Variants in ABCA10 observed in about 807,000 individuals in gnomAD.
The protein encoded by ABCA10 is ATP-binding cassette sub-family A member 10.
In ABCA10, 169 loss-of-function variants were observed where a neutral mutation model predicts 187.5. The observed-to-expected ratio is 0.90, with a 90% CI of 0.80 to 1.02. The LOEUF (loss-of-function observed/expected upper bound fraction) is 1.02, where lower values mean the gene tolerates loss of function less well. Among genes scored for constraint, ABCA10 ranks in the 50% least tolerant of loss-of-function variants. The probability of loss-of-function intolerance (pLI) is 0.00; values close to 1 mark genes in which losing one functional copy is unlikely to be tolerated. For synonymous variants in ABCA10, 574 were observed against 601.8 expected, an observed-to-expected ratio of 0.95 and a Z score of 0.68; for missense variants, 1,727 against 1,812.4, an observed-to-expected ratio of 0.95 and a Z score of 0.86.
At chr17:69,210,865 T>TATATATATATATATATA (rs1555662878) in intron 9 of ABCA10, among the ~76,000 whole-genome samples, 8 of 145,558 alleles carry the variant, frequency 5.5e-5, no homozygotes, top group African/African-American at 2.2e-4. Context: ...TATATATATA[T>TATATATATATATATATA]GCCATATTTC....
In ABCA10 at chr17:69,225,649, T is replaced by C. The variant is rs1458567537; in HGVS notation, c.-171-120A>G. 4.0e-5 allele frequency: 14 copies of C among 346,830 alleles called. No individual in the cohort carries two copies. In the Admixed American group the frequency reaches 5.2e-4, roughly 13 times the overall value. 21.5% of individuals were successfully genotyped at this position (346,830 alleles called of 1,614,324 possible). ...TTGAGCATGACTTCATTTCAGTCTGTAATTTTTTTCTGCCCAAATTAATAT... is the reference window on the plus strand; with the variant it reads ...TTGAGCATGACTTCATTTCAGTCTGCAATTTTTTTCTGCCCAAATTAATAT... On this transcript the variant is annotated intron_variant, in intron 2 of 38. Coordinates refer to ENST00000690296, the MANE Select transcript of ABCA10 (RefSeq NM_001377321.1).
At chr17:69,241,540 G>A (rs2074903357) in intron 1 of ABCA10, among the ~76,000 whole-genome samples, 1 of 152,062 alleles carries the variant, frequency 6.6e-6, no homozygotes, top group African/African-American at 2.4e-5. Flanking sequence ...TCTTCCACTA[G>A]TGTCCCCCTT....
chr17:69,156,831 C>T lies in ABCA10; in HGVS notation c.3455+1G>A, dbSNP rs751950903. On this transcript the variant is annotated splice_donor_variant, in intron 28 of 38. Coordinates refer to ENST00000690296, the MANE Select transcript of ABCA10 (RefSeq NM_001377321.1). LOFTEE classifies it high-confidence loss of function. ...CAGATCTCAATTAATATTTTCCCAA[C>T]CTGAAAACTGGGTCTTTATTCATTA... The T allele has an allele frequency of 5.9e-6, 9 of 1,538,352 alleles. No individual in the cohort carries two copies. Among genetic ancestry groups the T allele is most frequent in the Non-Finnish European group, 7.1e-6 (8 of 1,132,770 alleles).
At chr17:69,211,338 T>TACACATC (rs2074653842) in intron 9 of ABCA10, among the ~76,000 whole-genome samples, 1 of 114,144 alleles carries the variant, frequency 8.8e-6, no homozygotes, top group Non-Finnish European at 1.7e-5. Flanking sequence ...TATATATATA[T>TACACATC]ATATATATAT....
At chr17:69,219,233 A>G (rs568695150) in intron 6 of ABCA10, among the ~76,000 whole-genome samples, 3 of 152,310 alleles carry the variant, frequency 2.0e-5, no homozygotes, top group Non-Finnish European at 2.9e-5. Context: ...TAGATCTGCC[A>G]AAGTCCACCC....
intron 27 of ABCA10, among the ~76,000 whole-genome samples, chr17:69,162,838 CATATATAT>C (rs376385505): frequency 9.9e-5 from 12 of 120,832 alleles, no homozygotes; most frequent in African/African-American, 4.1e-4. Context: ...TATACATATA[CATATATAT>C]ATATATATAT....
chr17:69,189,969 T>G (rs1038428036), intron 18 of ABCA10, among the ~76,000 whole-genome samples: 4 of 152,180 alleles, frequency 2.6e-5, no homozygotes, highest in African/African-American at 9.6e-5. Flanking sequence ...ATTAATACAT[T>G]AATTAGAATT....
chr17:69,217,074 C>T (rs763464029), intron 6 of ABCA10, among the ~76,000 whole-genome samples: 1 of 152,028 alleles, frequency 6.6e-6, no homozygotes, highest in Middle Eastern at 3.4e-3. Flanking sequence ...AGTAAAACCC[C>T]ATCTCTACTA....
intron 1 of ABCA10, among the ~76,000 whole-genome samples, chr17:69,240,154 G>T (rs563719026): frequency 1.3e-5 from 2 of 152,130 alleles, no homozygotes; most frequent in Non-Finnish European, 2.9e-5. Flanking sequence ...TTAAAATCCA[G>T]TCCCATGCAC....
chr17:69,213,424 C>G (rs1489870221), intron 9 of ABCA10, among the ~76,000 whole-genome samples: 1 of 151,652 alleles, frequency 6.6e-6, no homozygotes, highest in Non-Finnish European at 1.5e-5. Flanking sequence ...GGGGGAGGGT[C>G]GTTCTCAGAC....
intron 10 of ABCA10, among the ~76,000 whole-genome samples, chr17:69,200,085 C>G (rs1598111436): frequency 6.6e-6 from 1 of 152,174 alleles, no homozygotes; most frequent in Non-Finnish European, 1.5e-5. Context: ...TCCCACTGCT[C>G]CCAGATAATT....
intron 30 of ABCA10, 86 bp downstream of exon 30, chr17:69,154,933 A>C (rs2074161822): frequency 3.4e-6 from 3 of 894,634 alleles, no homozygotes; most frequent in Admixed American, 2.5e-5. Context: ...AACAGTCTCA[A>C]TGAATAAAAA....
rs1458674194 is a variant in ABCA10 at position 69,153,407 on chromosome 17, G to C, written c.4042-8C>G. 6.2e-7 allele frequency: 1 copy of C among 1,613,620 alleles called. No homozygotes were observed. ...GCTCAGCACAAAGCACAGCTGCAAT[G>C]CAAGGAACAGCCCGTCGGCACCCAG... On this transcript the variant is annotated splice_region_variant and splice_polypyrimidine_tract_variant and intron_variant, in intron 33 of 38. Transcript: ENST00000690296.
intron 1 of ABCA10, among the ~76,000 whole-genome samples, chr17:69,243,790 C>T (rs184570065): frequency 2.5e-4 from 38 of 152,252 alleles, no homozygotes; most frequent in Admixed American, 2.2e-3. Flanking sequence ...ACCAGCTACT[C>T]AGGAGGCTGA....
chr17:69,196,960 G>A (rs995914349), intron 11 of ABCA10, 104 bp downstream of exon 11: 17 of 794,562 alleles, frequency 2.1e-5, no homozygotes, highest in Middle Eastern at 3.9e-4. Context: ...CCGAGATGGC[G>A]GCACTACAGT....
chr17:69,193,487 TCTCAC>T lies in ABCA10; in HGVS notation c.1641+1_1641+5del. On this transcript the variant is annotated splice_donor_variant and splice_donor_5th_base_variant and intron_variant, in intron 14 of 38. Coordinates refer to ENST00000690296, the MANE Select transcript of ABCA10 (RefSeq NM_001377321.1). LOFTEE classifies it high-confidence loss of function. ...ATTAATTGTAAAAATATATTTTTTC[TCTCAC>T]CTGAGGATCTCCTAAGATGGCAATC... The T allele has an allele frequency of 6.2e-7, 1 of 1,604,176 alleles. No homozygotes were observed.
upstream of ABCA10, among the ~76,000 whole-genome samples, chr17:69,230,732 T>G (rs895537291): frequency 2.6e-5 from 4 of 152,194 alleles, no homozygotes; most frequent in African/African-American, 9.6e-5. Context: ...ATACCTCTAT[T>G]TCATTCTAAT....
chr17:69,191,440 G>A (rs2074459359), intron 16 of ABCA10, 125 bp from the exon 17 acceptor site: 1 of 1,018,428 alleles, frequency 9.8e-7, no homozygotes, highest in Non-Finnish European at 1.3e-6. Context: ...TCTAGTAATT[G>A]GTTCCTGCAA....
At position 69,154,337 on chromosome 17, in the gene ABCA10, G is replaced by C. The variant is rs2074156591; in HGVS notation, c.3695-11C>G. On this transcript the variant is annotated splice_polypyrimidine_tract_variant and intron_variant, in intron 30 of 38. Coordinates refer to ENST00000690296, the MANE Select transcript of ABCA10 (RefSeq NM_001377321.1). ...ATCCCAAAACTTCACCTGGAAGAAA[G>C]AGTCACCATCAATATTTGAATTTTC... The C allele has an allele frequency of 8.3e-6, 13 of 1,573,876 alleles. No individual in the cohort carries two copies. The highest frequency in any genetic ancestry group is 1.1e-5 in the Non-Finnish European group (13 of 1,155,942).
Sources: allele counts gnomAD v4.1 joint callset (sites outside exome capture counted in the v4.1 genomes callset), GRCh38; gene constraint gnomAD v4.1.1; transcripts MANE v1.5; gene names NCBI Gene and HGNC (gene_info 2026-07-23, HGNC 2026-07-21).